Variants in NUBPL observed in about 807,000 individuals in gnomAD.
NUBPL encodes iron-sulfur cluster transfer protein NUBPL.
Under a neutral mutation model 45.7 loss-of-function variants are expected in NUBPL, and 31 were observed. That is an observed-to-expected ratio of 0.68 (90% CI 0.51 to 0.92). NUBPL has a LOEUF of 0.92. Ranked by LOEUF, NUBPL falls within the 40% of genes least tolerant of loss-of-function variation. The probability of loss-of-function intolerance (pLI) is 0.00; values close to 1 mark genes in which losing one functional copy is unlikely to be tolerated. For missense variants in NUBPL, 401 were observed against 398.7 expected, an observed-to-expected ratio of 1.01 and a Z score of -0.05; for synonymous variants, 144 against 140.9, an observed-to-expected ratio of 1.02 and a Z score of -0.15.
At chr14:31,609,696 C>A (rs2034700528) in intron 4 of NUBPL, among the ~76,000 whole-genome samples, 1 of 151,888 alleles carries the variant, frequency 6.6e-6, no homozygotes, top group African/African-American at 2.4e-5. Flanking sequence ...TTAAAACATT[C>A]AAAAAATGGA....
chr14:31,627,678 A>G (rs2035240569), intron 4 of NUBPL, among the ~76,000 whole-genome samples: 1 of 150,716 alleles, frequency 6.6e-6, no homozygotes, highest in Non-Finnish European at 1.5e-5. Context: ...AGGCAGGAGA[A>G]TGGCATGAAC....
At chr14:31,613,408 C>T (rs895509773) in intron 4 of NUBPL, among the ~76,000 whole-genome samples, 3 of 151,224 alleles carry the variant, frequency 2.0e-5, no homozygotes, top group East Asian at 1.9e-4. Flanking sequence ...AACTGTAGTC[C>T]GTAATAACTT....
At chr14:31,749,163 ATTGATTGTTTT>A (rs1259030774) in intron 6 of NUBPL, among the ~76,000 whole-genome samples, 1 of 152,016 alleles carries the variant, frequency 6.6e-6, no homozygotes, top group Non-Finnish European at 1.5e-5. Context: ...CTGTTATATT[ATTGATTGTTTT>A]TTGATTGTTT....
At chr14:31,846,349 A>G (rs1230852846) in intron 8 of NUBPL, 122 bp from the exon 9 acceptor site, 2 of 784,596 alleles carry the variant, frequency 2.5e-6, no homozygotes, top group African/African-American at 3.4e-5. Context: ...TAGTTTATTC[A>G]TCATTGTGAT....
chr14:31,746,432 A>G (rs978219303), intron 6 of NUBPL, among the ~76,000 whole-genome samples: 4 of 151,866 alleles, frequency 2.6e-5, no homozygotes, highest in Admixed American at 1.3e-4. Context: ...CTTTTTCTGT[A>G]TTTGTTGAGA....
chr14:31,837,437 A>G (rs1297037725), intron 8 of NUBPL, among the ~76,000 whole-genome samples: 1 of 152,242 alleles, frequency 6.6e-6, no homozygotes, highest in African/African-American at 2.4e-5. Flanking sequence ...TAGCTTCTAC[A>G]GTCAGGCTTT....
intron 8 of NUBPL, among the ~76,000 whole-genome samples, chr14:31,831,496 A>ACCATACCATG (rs1170204611): frequency 6.6e-6 from 1 of 151,622 alleles, no homozygotes; most frequent in Non-Finnish European, 1.5e-5. Flanking sequence ...ACCATACCAT[A>ACCATACCATG]CCATACCATA....
intron 3 of NUBPL, among the ~76,000 whole-genome samples, chr14:31,573,339 A>T (rs2033638140): frequency 6.6e-6 from 1 of 152,102 alleles, no homozygotes; most frequent in Non-Finnish European, 1.5e-5. Flanking sequence ...TAGTGATCTC[A>T]GCTTTTCCCA....
chr14:31,819,283 A>G lies in NUBPL; in HGVS notation c.608-7346A>G, dbSNP rs1403704288. ...TTCTTTTGATGCAAGTATATTTCTAAATAAAGGAGAATCAGTAGCACTAAA... is the reference window on the plus strand; with the variant it reads ...TTCTTTTGATGCAAGTATATTTCTAGATAAAGGAGAATCAGTAGCACTAAA... On this transcript the variant is annotated intron_variant, in intron 7 of 10. Coordinates refer to ENST00000281081, the MANE Select transcript of NUBPL (RefSeq NM_025152.3). Among the ~76,000 whole-genome samples, 6 of 152,188 alleles carry G rather than the reference A, an allele frequency of 3.9e-5. No individual in the cohort carries two copies. The East Asian group carries it at 1.2e-3, about 29-fold the overall frequency.
chr14:31,826,120 T>G (rs2040099340), intron 7 of NUBPL, among the ~76,000 whole-genome samples: 1 of 152,120 alleles, frequency 6.6e-6, no homozygotes, highest in African/African-American at 2.4e-5. Flanking sequence ...GATTTTTATT[T>G]TATTTTATTT....
At chr14:31,613,573 T>A (rs192459894) in intron 4 of NUBPL, among the ~76,000 whole-genome samples, 1 of 152,218 alleles carries the variant, frequency 6.6e-6, no homozygotes, top group Non-Finnish European at 1.5e-5. Flanking sequence ...TTCTTCTGTT[T>A]CAGCCTCCTA....
In NUBPL at chr14:31,859,976, C is replaced by T. The variant is rs2040686349; in HGVS notation, c.*796C>T. On this transcript the variant is annotated 3_prime_UTR_variant, in exon 11 of 11. Coordinates refer to ENST00000281081, the MANE Select transcript of NUBPL (RefSeq NM_025152.3). Reference sequence around the variant, plus strand: ...TTGAGTAATTCGATATTAGATTCATCTTTTTGTACACCAATGTGCTTTTGT... The same window carrying T: ...TTGAGTAATTCGATATTAGATTCATTTTTTTGTACACCAATGTGCTTTTGT... 1 of 152,096 alleles carries T rather than the reference C, an allele frequency of 6.6e-6. No homozygotes were observed. Among genetic ancestry groups the T allele is most frequent in the Non-Finnish European group, 1.5e-5 (1 of 68,058 alleles). 9.4% of individuals were successfully genotyped at this position (152,096 alleles called of 1,614,324 possible).
At chr14:31,811,803 T>C (rs1292475164) in intron 7 of NUBPL, among the ~76,000 whole-genome samples, 2 of 152,136 alleles carry the variant, frequency 1.3e-5, no homozygotes, top group Non-Finnish European at 2.9e-5. Context: ...ATGGGGTTTT[T>C]TTGTGGATGT....
At chr14:31,756,039 G>A (rs916355624) in intron 6 of NUBPL, among the ~76,000 whole-genome samples, 6 of 152,000 alleles carry the variant, frequency 3.9e-5, no homozygotes, top group African/African-American at 1.2e-4. Flanking sequence ...TGAGAGCTCT[G>A]TTCTGTTCCA....
intron 6 of NUBPL, among the ~76,000 whole-genome samples, chr14:31,755,760 T>A (rs2038646191): frequency 6.6e-6 from 1 of 151,920 alleles, no homozygotes; most frequent in Non-Finnish European, 1.5e-5. Context: ...GTTTTAGACA[T>A]GAAGTCCTTG....
intron 4 of NUBPL, among the ~76,000 whole-genome samples, chr14:31,622,584 A>G (rs938184909): frequency 6.6e-6 from 1 of 152,202 alleles, no homozygotes; most frequent in Non-Finnish European, 1.5e-5. Flanking sequence ...GGCACCCTAC[A>G]TCCCAGACAC....
At chr14:31,730,707 C>T (rs1372914682) in intron 6 of NUBPL, among the ~76,000 whole-genome samples, 1 of 152,076 alleles carries the variant, frequency 6.6e-6, no homozygotes, top group Non-Finnish European at 1.5e-5. Flanking sequence ...ACCTCATGAT[C>T]CATCCACCTT....
At chr14:31,578,224 A>AC (rs1171698312) in intron 3 of NUBPL, among the ~76,000 whole-genome samples, 3 of 152,196 alleles carry the variant, frequency 2.0e-5, no homozygotes, top group African/African-American at 7.2e-5. Context: ...ATACAGCAAA[A>AC]CCCCAAAAAC....
chr14:31,700,950 C>G (rs1467514900), intron 6 of NUBPL, among the ~76,000 whole-genome samples: 2 of 152,202 alleles, frequency 1.3e-5, no homozygotes, highest in African/African-American at 4.8e-5. Flanking sequence ...CGGCGCGGGA[C>G]TGGCGGGCAG....
Sources: gnomAD v4.1 joint callset for allele counts (sites outside exome capture counted in the v4.1 genomes callset) on GRCh38, gnomAD v4.1.1 for gene constraint, MANE v1.5 for transcripts, NCBI Gene and HGNC (gene_info 2026-07-23, HGNC 2026-07-21) for gene names.